Variants in PTGFR observed in about 807,000 individuals in gnomAD.
The protein encoded by PTGFR is prostaglandin F2-alpha receptor.
In PTGFR, 15 loss-of-function variants were observed where a neutral mutation model predicts 26.2. The ratio of observed to expected loss-of-function variants is 0.57; its 90% CI spans 0.38 to 0.88. The LOEUF (loss-of-function observed/expected upper bound fraction) is 0.88. PTGFR is among the 40% of genes least tolerant of loss of function. The probability of loss-of-function intolerance (pLI) is 0.00; values close to 1 mark genes in which losing one functional copy is unlikely to be tolerated. For missense variants in PTGFR, 369 were observed against 427.2 expected, an observed-to-expected ratio of 0.86 and a Z score of 1.20; for synonymous variants, 165 against 151.1, an observed-to-expected ratio of 1.09 and a Z score of -0.68.
At chr1:78,505,676 A>G (rs867559010) in intron 2 of PTGFR, among the ~76,000 whole-genome samples, 4 of 152,146 alleles carry the variant, frequency 2.6e-5, no homozygotes, top group African/African-American at 7.2e-5. Context: ...AGAAAACCCT[A>G]TATCCATCAG....
At chr1:78,493,687 A>T (rs1649473925) in intron 2 of PTGFR, 146 bp downstream of exon 2, 1 of 711,432 alleles carries the variant, frequency 1.4e-6, no homozygotes. Flanking sequence ...GAATTACATG[A>T]CATATGACAC....
rs114962738 is a variant in PTGFR, at chr1:78,513,764, C to G, written c.798+20223C>G. Among the ~76,000 whole-genome samples, 822 of 152,180 alleles carry G rather than the reference C, an allele frequency of 5.4e-3. 8 individuals are homozygous for G. Among genetic ancestry groups the G allele is most frequent in the African/African-American group, 0.019 (793 of 41,546 alleles). ...TTCAGAAGTCTTTGAGGCAGCCCCT[C>G]TCATCACAGGCCCAGAGACCTAGGA... On this transcript the variant is annotated intron_variant, in intron 2 of 2. Transcript: ENST00000370757.
At chr1:78,508,578 T>C (rs2100366560) in intron 2 of PTGFR, among the ~76,000 whole-genome samples, 1 of 152,196 alleles carries the variant, frequency 6.6e-6, no homozygotes, top group South Asian at 2.1e-4. Context: ...TCAGAGAAAT[T>C]CATGTGGTTC....
intron 2 of PTGFR, among the ~76,000 whole-genome samples, chr1:78,511,297 C>G (rs1649964000): frequency 6.6e-6 from 1 of 152,220 alleles, no homozygotes; most frequent in Admixed American, 6.5e-5. Flanking sequence ...TCTGCCTGGG[C>G]ACCCAGCCTT....
intron 2 of PTGFR, among the ~76,000 whole-genome samples, chr1:78,526,458 A>G (rs539052075): frequency 3.6e-4 from 55 of 152,126 alleles, no homozygotes; most frequent in African/African-American, 1.3e-3. Flanking sequence ...AGTAGAGAGA[A>G]CCTATACAGT....
intron 2 of PTGFR, among the ~76,000 whole-genome samples, chr1:78,514,997 C>T (rs142491654): frequency 1.3e-4 from 20 of 152,124 alleles, no homozygotes; most frequent in South Asian, 6.2e-4. Flanking sequence ...GCCTGCAAAA[C>T]GGTGAGCCAA....
chr1:78,516,748 A>AT (rs35771610), intron 2 of PTGFR, among the ~76,000 whole-genome samples: 36 of 150,028 alleles, frequency 2.4e-4, no homozygotes, highest in South Asian at 1.3e-3. Context: ...TTTGTACATA[A>AT]TTTTTTTTTT....
rs777337577 is a variant in PTGFR at position 78,536,620 on chromosome 1, T to C, written c.1013T>C (p.Ile338Thr). ...ISLHIWELSS[I>T]KNSLKVAAIS... Reference sequence around the variant, plus strand: ...TTACATATTTGGGAGCTTAGTTCCATTAAAAATTCCTTAAAGGTTGCTGCT... The same window carrying C: ...TTACATATTTGGGAGCTTAGTTCCACTAAAAATTCCTTAAAGGTTGCTGCT... Residue 338 changes from isoleucine to threonine, a missense_variant, in exon 3 of 3, where the codon ATT becomes ACT. Transcript: ENST00000370757. The C allele has an allele frequency of 6.2e-7, 1 of 1,613,262 alleles. No individual in the cohort carries two copies. Among genetic ancestry groups the C allele is most frequent in the Non-Finnish European group, 8.5e-7 (1 of 1,179,560 alleles).
intron 2 of PTGFR, among the ~76,000 whole-genome samples, chr1:78,500,174 C>G (rs953121719): frequency 3.3e-5 from 5 of 151,994 alleles, no homozygotes; most frequent in African/African-American, 1.2e-4. Context: ...AATGAAAGCT[C>G]TGTGGTAAAT....
intron 2 of PTGFR, among the ~76,000 whole-genome samples, chr1:78,527,891 G>T (rs1318183829): frequency 2.6e-5 from 4 of 152,098 alleles, no homozygotes; most frequent in African/African-American, 9.7e-5. Context: ...GGGAATAAGG[G>T]TGTCCAGAAG....
intron 2 of PTGFR, among the ~76,000 whole-genome samples, chr1:78,528,804 T>C (rs541521448): frequency 1.4e-4 from 22 of 152,082 alleles, no homozygotes; most frequent in African/African-American, 4.8e-4. Context: ...CATAGTTAGA[T>C]GTCCAGGCAC....
At chr1:78,518,985 T>C (rs1650161166) in intron 2 of PTGFR, among the ~76,000 whole-genome samples, 1 of 152,188 alleles carries the variant, frequency 6.6e-6, no homozygotes, top group African/African-American at 2.4e-5. Context: ...GAAGAAAGGA[T>C]CAGTATTCAT....
chr1:78,515,669 T>C (rs1650075474), intron 2 of PTGFR, among the ~76,000 whole-genome samples: 1 of 152,238 alleles, frequency 6.6e-6, no homozygotes, highest in Non-Finnish European at 1.5e-5. Context: ...GCTGTGATTA[T>C]TCTACCTTGT....
intron 2 of PTGFR, among the ~76,000 whole-genome samples, chr1:78,498,611 T>A (rs61769118): frequency 0.22 from 33,152 of 152,046 alleles, 3,791 homozygotes; most frequent in Non-Finnish European, 0.24. Context: ...CTGTGTTCAC[T>A]GCTTGGGTGA....
chr1:78,500,650 G>A (rs114047735), intron 2 of PTGFR, among the ~76,000 whole-genome samples: 4,405 of 152,276 alleles, frequency 0.029, 221 homozygotes, highest in African/African-American at 0.1. Flanking sequence ...AGCTTCCTGC[G>A]TGCAGATGTC....
At chr1:78,516,608 C>A (rs966015388) in intron 2 of PTGFR, among the ~76,000 whole-genome samples, 3 of 152,074 alleles carry the variant, frequency 2.0e-5, no homozygotes, top group African/African-American at 7.2e-5. Context: ...ATTGACAATG[C>A]CCTCAGTCTG....
chr1:78,499,179 T>G, intron 2 of PTGFR, among the ~76,000 whole-genome samples: 1 of 152,170 alleles, frequency 6.6e-6, no homozygotes, highest in East Asian at 1.9e-4. Context: ...TGGAACACTC[T>G]CCTCTTGACA....
chr1:78,492,822 C>T lies in PTGFR; in HGVS notation c.79C>T (p.Arg27Trp), dbSNP rs749469257. 1.9e-6 allele frequency: 3 copies of T among 1,614,048 alleles called. No individual in the cohort carries two copies. Among genetic ancestry groups the T allele is most frequent in the Middle Eastern group, 1.6e-4 (1 of 6,084 alleles). The change falls in exon 2 of 3, where the codon CGG becomes TGG. Residue 27 changes from arginine to tryptophan, a missense_variant. By Grantham distance (101) the Arg-to-Trp change is moderately radical. Transcript: ENST00000370757. The stretch of plus-strand genomic sequence containing the variant: ...AAACACAACCTGCCAGACGGAAAAC[C>T]GGCTTTCCGTATTTTTTTCAGTAAT... ...LSNTTCQTENRLSVFFSVIFM... is the reference protein window; with the variant it reads ...LSNTTCQTENWLSVFFSVIFM...
Position 78,493,437 on chromosome 1 carries a change from T to C in PTGFR, c.694T>C (p.Phe232Leu). ...ITGITLLRVK[F>L]KSQQHRQGRS... Reference sequence around the variant, plus strand: ...AGGAATTACACTTTTAAGAGTTAAATTTAAAAGTCAGCAGCACAGACAAGG... The same window carrying C: ...AGGAATTACACTTTTAAGAGTTAAACTTAAAAGTCAGCAGCACAGACAAGG... The change falls in exon 2 of 3, where the codon TTT (phenylalanine) becomes CTT (leucine). Residue 232 changes from phenylalanine (F) to leucine (L), a missense_variant. Transcript: ENST00000370757. The C allele has an allele frequency of 6.2e-7, 1 of 1,612,920 alleles. No individual in the cohort carries two copies. The highest frequency in any genetic ancestry group is 8.5e-7 in the Non-Finnish European group (1 of 1,179,292).
Sources: allele counts gnomAD v4.1 joint callset (sites outside exome capture counted in the v4.1 genomes callset), GRCh38; gene constraint gnomAD v4.1.1; transcripts MANE v1.5; gene names NCBI Gene and HGNC (gene_info 2026-07-23, HGNC 2026-07-21).